Variants in LUZP2 observed in about 807,000 individuals in gnomAD.
The protein encoded by LUZP2 is leucine zipper protein 2.
Under a neutral mutation model 51.6 loss-of-function variants are expected in LUZP2, and 52 were observed. The ratio of observed to expected loss-of-function variants is 1.01; its 90% CI spans 0.81 to 1.27. The LOEUF is 1.27. LUZP2 is among the 50% of genes most tolerant of loss of function. LUZP2 has a pLI of 0.00. For synonymous variants in LUZP2, 154 were observed against 137.3 expected (o/e 1.12, Z -0.85); for missense variants, 436 against 395.4 (o/e 1.10, Z -0.87).
In LUZP2 at chr11:24,756,619, A is replaced by G. The variant is rs957586387; in HGVS notation, c.334-6627A>G. Among the ~76,000 whole-genome samples, 8 of 152,114 alleles carry G rather than the reference A, an allele frequency of 5.3e-5. No homozygotes were observed. The South Asian group carries it at 6.2e-4, about 12-fold the overall frequency. ...AGCAAATCTCATTCCCTTGACACAA[A>G]TTGTTTTGGGAAAAACTGTCAAACC... On this transcript the variant is annotated intron_variant, in intron 4 of 11. Transcript: ENST00000336930.
intron 1 of LUZP2, among the ~76,000 whole-genome samples, chr11:24,508,335 A>G (rs1850201219): frequency 6.6e-6 from 1 of 152,206 alleles, no homozygotes; most frequent in Non-Finnish European, 1.5e-5. Flanking sequence ...CCAAAATTTT[A>G]TATACAGTTA....
chr11:24,918,607 G>A (rs549852510), intron 7 of LUZP2, among the ~76,000 whole-genome samples: 2 of 151,062 alleles, frequency 1.3e-5, no homozygotes, highest in East Asian at 3.9e-4. Context: ...CCAAAATCAT[G>A]CTTTTTTTAG....
At chr11:24,978,684 A>C (rs950656081) in intron 8 of LUZP2, among the ~76,000 whole-genome samples, 1 of 151,772 alleles carries the variant, frequency 6.6e-6, no homozygotes, top group Non-Finnish European at 1.5e-5. Context: ...GTTTAGCACT[A>C]ACAATTAGGG....
intron 9 of LUZP2, among the ~76,000 whole-genome samples, chr11:24,992,706 G>A (rs1463854151): frequency 6.6e-6 from 1 of 152,028 alleles, no homozygotes. Context: ...TATTTTCCCT[G>A]ACATCTGCAT....
chr11:24,575,111 A>G (rs927082875), intron 1 of LUZP2, among the ~76,000 whole-genome samples: 5 of 152,106 alleles, frequency 3.3e-5, no homozygotes, highest in Non-Finnish European at 5.9e-5. Flanking sequence ...AGCTTCGACC[A>G]TTTCAAATTT....
At chr11:24,815,947 C>G (rs995127668) in intron 5 of LUZP2, among the ~76,000 whole-genome samples, 11 of 150,826 alleles carry the variant, frequency 7.3e-5, no homozygotes, top group Non-Finnish European at 1.5e-4. Flanking sequence ...AGTCTCGATT[C>G]AGGAGTGGGT....
intron 9 of LUZP2, among the ~76,000 whole-genome samples, chr11:25,009,229 T>C (rs754916050): frequency 1.6e-4 from 25 of 152,202 alleles, no homozygotes; most frequent in Non-Finnish European, 3.1e-4. Flanking sequence ...TTCATTTGTT[T>C]ATGATTACAT....
intron 1 of LUZP2, among the ~76,000 whole-genome samples, chr11:24,626,376 T>A (rs763846951): frequency 2.0e-5 from 3 of 152,196 alleles, no homozygotes; most frequent in Non-Finnish European, 4.4e-5. Flanking sequence ...AAACACCTGC[T>A]TACAATCAGG....
At chr11:24,556,738 TCTGTC>T (rs1259632623) in intron 1 of LUZP2, among the ~76,000 whole-genome samples, 1 of 152,192 alleles carries the variant, frequency 6.6e-6, no homozygotes, top group Non-Finnish European at 1.5e-5. Flanking sequence ...CATGATGATC[TCTGTC>T]CTATACATAT....
At chr11:24,537,734 T>A (rs1851223660) in intron 1 of LUZP2, among the ~76,000 whole-genome samples, 1 of 151,864 alleles carries the variant, frequency 6.6e-6, no homozygotes, top group Non-Finnish European at 1.5e-5. Flanking sequence ...CTTTTACAAT[T>A]TTTTACGGAT....
intron 7 of LUZP2, among the ~76,000 whole-genome samples, chr11:24,955,552 ATAAT>A (rs1377881349): frequency 5.3e-5 from 8 of 152,116 alleles, no homozygotes; most frequent in African/African-American, 1.9e-4. Flanking sequence ...ATAGTCTTAA[ATAAT>A]TAACCCTGAT....
chr11:24,857,913 T>C (rs1017789913), intron 5 of LUZP2, among the ~76,000 whole-genome samples: 2 of 152,148 alleles, frequency 1.3e-5, no homozygotes, highest in Non-Finnish European at 2.9e-5. Context: ...ACCCAGTTCA[T>C]GTATTTTGAA....
intron 1 of LUZP2, among the ~76,000 whole-genome samples, chr11:24,637,631 G>A (rs997535305): frequency 1.1e-4 from 17 of 151,756 alleles, no homozygotes; most frequent in Non-Finnish European, 2.9e-5. Context: ...GCCGCTCTAG[G>A]GGTGTCTGTC....
rs138600232 is a variant in LUZP2, at chr11:24,974,982, G to A, written c.523-1609G>A. ...GGGGGTCAGTGATCTTGGCTGGGCTGAAGTATGACTCTAGAGATCCACCAG... is the reference window on the plus strand; with the variant it reads ...GGGGGTCAGTGATCTTGGCTGGGCTAAAGTATGACTCTAGAGATCCACCAG... On this transcript the variant is annotated intron_variant, in intron 7 of 11. Transcript: ENST00000336930. Among the ~76,000 whole-genome samples the A allele has an allele frequency of 1.9e-3, 286 of 152,138 alleles. 2 individuals carry two copies. Among genetic ancestry groups the A allele is most frequent in the Non-Finnish European group, 1.9e-3 (132 of 67,950 alleles).
At chr11:24,657,910 C>T (rs904838035) in intron 1 of LUZP2, among the ~76,000 whole-genome samples, 1 of 152,082 alleles carries the variant, frequency 6.6e-6, no homozygotes, top group Non-Finnish European at 1.5e-5. Flanking sequence ...AACCACTGCT[C>T]AATGAAATAA....
intron 7 of LUZP2, among the ~76,000 whole-genome samples, chr11:24,966,065 A>G (rs920680435): frequency 4.6e-5 from 7 of 151,778 alleles, no homozygotes; most frequent in Non-Finnish European, 7.4e-5. Flanking sequence ...GTGGTTTTTC[A>G]TTGTAGTTTT....
intron 1 of LUZP2, among the ~76,000 whole-genome samples, chr11:24,727,429 C>T (rs556174624): frequency 2.6e-5 from 4 of 152,038 alleles, no homozygotes; most frequent in South Asian, 2.1e-4. Flanking sequence ...GTGTTATGCA[C>T]GTCATTTCAT....
intron 9 of LUZP2, among the ~76,000 whole-genome samples, chr11:25,014,422 A>C (rs899482926): frequency 6.6e-6 from 1 of 152,024 alleles, no homozygotes; most frequent in Non-Finnish European, 1.5e-5. Context: ...TTGTTTCCTG[A>C]CTTTTTAATG....
intron 5 of LUZP2, among the ~76,000 whole-genome samples, chr11:24,877,936 A>T (rs1322413297): frequency 2.6e-5 from 4 of 152,066 alleles, no homozygotes; most frequent in African/African-American, 7.2e-5. Flanking sequence ...AAATAACAGG[A>T]TCTCATATTT....
Sources: allele counts gnomAD v4.1 joint callset (sites outside exome capture counted in the v4.1 genomes callset), GRCh38; gene constraint gnomAD v4.1.1; transcripts MANE v1.5; gene names NCBI Gene and HGNC (gene_info 2026-07-23, HGNC 2026-07-21).